WNT7A: variants seen among roughly 807,000 people sequenced by gnomAD.
WNT7A encodes the protein protein Wnt-7a.
Under a neutral mutation model 28.2 loss-of-function variants are expected in WNT7A, and 16 were observed. The ratio of observed to expected loss-of-function variants is 0.57; its 90% CI spans 0.38 to 0.86. The LOEUF is 0.86. Ranked by LOEUF, WNT7A falls within the 40% of genes least tolerant of loss-of-function variation. WNT7A has a pLI of 0.00. For synonymous variants in WNT7A, 190 were observed against 195.9 expected (o/e 0.97, Z 0.25); for missense variants, 411 against 489.7 (o/e 0.84, Z 1.52).
chr3:13,855,706 C>T (rs1335434364), intron 2 of WNT7A, among the ~76,000 whole-genome samples: 2 of 152,186 alleles, frequency 1.3e-5, no homozygotes, highest in African/African-American at 4.8e-5. Flanking sequence ...GTCTGCTTTA[C>T]AGGGTGAAGA....
At chr3:13,834,217 A>G (rs185807103) in intron 3 of WNT7A, among the ~76,000 whole-genome samples, 57 of 150,934 alleles carry the variant, frequency 3.8e-4, no homozygotes, top group African/African-American at 1.3e-3. Flanking sequence ...TAATGGCACC[A>G]TGGTTTTTTT....
intron 2 of WNT7A, among the ~76,000 whole-genome samples, chr3:13,869,715 A>G (rs1695001302): frequency 6.7e-6 from 1 of 149,290 alleles, no homozygotes; most frequent in African/African-American, 2.5e-5. Context: ...GAGAGAAAGA[A>G]AGAAAAAAAG....
chr3:13,856,917 G>A (rs865794964), intron 2 of WNT7A, among the ~76,000 whole-genome samples: 25 of 98,920 alleles, frequency 2.5e-4, no homozygotes, highest in East Asian at 1.1e-3. Flanking sequence ...AGAAGAAGAA[G>A]AAGAAGAAGA....
chr3:13,874,489 C>A (rs1559309212), intron 2 of WNT7A, among the ~76,000 whole-genome samples: 1 of 152,132 alleles, frequency 6.6e-6, no homozygotes, highest in Non-Finnish European at 1.5e-5. Flanking sequence ...GTGGTGGGGA[C>A]TGCGGCAGTG....
chr3:13,826,226 CA>C (rs1262924876), intron 3 of WNT7A, among the ~76,000 whole-genome samples: 1 of 152,188 alleles, frequency 6.6e-6, no homozygotes, highest in Non-Finnish European at 1.5e-5. Flanking sequence ...CAGTCCTTGC[CA>C]CCTCTGAGCT....
chr3:13,875,297 G>A, intron 1 of WNT7A, 124 bp from the exon 2 acceptor site: 1 of 886,080 alleles, frequency 1.1e-6, no homozygotes, highest in African/African-American at 1.6e-5. Flanking sequence ...CAACTTTTTT[G>A]ATCCTGCACC....
intron 2 of WNT7A, among the ~76,000 whole-genome samples, chr3:13,855,532 G>T (rs1277803070): frequency 1.3e-5 from 2 of 152,188 alleles, no homozygotes; most frequent in African/African-American, 4.8e-5. Flanking sequence ...TCACTGGACT[G>T]TGAGTATCTC....
chr3:13,851,524 C>G (rs935944218), intron 3 of WNT7A, among the ~76,000 whole-genome samples: 2 of 152,174 alleles, frequency 1.3e-5, no homozygotes, highest in Non-Finnish European at 2.9e-5. Context: ...CAAGAGGAAA[C>G]AAACCACTCT....
At chr3:13,847,873 T>C (rs1056571036) in intron 3 of WNT7A, among the ~76,000 whole-genome samples, 3 of 152,112 alleles carry the variant, frequency 2.0e-5, no homozygotes, top group African/African-American at 4.8e-5. Flanking sequence ...GATGGTAAAG[T>C]TCTGGAGATG....
intron 3 of WNT7A, among the ~76,000 whole-genome samples, chr3:13,827,812 T>C (rs1023978930): frequency 6.6e-6 from 1 of 152,116 alleles, no homozygotes; most frequent in African/African-American, 2.4e-5. Context: ...CTTGCTGTCA[T>C]CCCTGCCCCC....
intron 3 of WNT7A, among the ~76,000 whole-genome samples, chr3:13,847,802 G>A (rs945082456): frequency 2.2e-4 from 34 of 152,104 alleles, no homozygotes; most frequent in Non-Finnish European, 3.5e-4. Flanking sequence ...CCAGGGGCTG[G>A]GGTGGGGCGG....
chr3:13,863,292 TTGAATTGAA>T (rs1468270380), intron 2 of WNT7A, among the ~76,000 whole-genome samples: 2 of 152,188 alleles, frequency 1.3e-5, no homozygotes, highest in Non-Finnish European at 2.9e-5. Flanking sequence ...TTACTTTGTA[TTGAATTGAA>T]TGATCAGTCT....
At chr3:13,838,026 C>G (rs544276259) in intron 3 of WNT7A, among the ~76,000 whole-genome samples, 7 of 152,234 alleles carry the variant, frequency 4.6e-5, no homozygotes, top group African/African-American at 1.7e-4. Context: ...CTGAGATATT[C>G]TGTTCCTGCC....
chr3:13,850,613 C>A (rs187535144), intron 3 of WNT7A, among the ~76,000 whole-genome samples: 4 of 152,102 alleles, frequency 2.6e-5, no homozygotes, highest in Non-Finnish European at 5.9e-5. Flanking sequence ...AGCTGGGCCC[C>A]CATCCCCAGG....
intron 3 of WNT7A, among the ~76,000 whole-genome samples, chr3:13,827,928 C>T (rs1685714959): frequency 6.6e-6 from 1 of 152,148 alleles, no homozygotes; most frequent in African/African-American, 2.4e-5. Flanking sequence ...CCAGCCCAAC[C>T]CAGCCTTCTA....
chr3:13,864,166 T>C (rs771528194), intron 2 of WNT7A, among the ~76,000 whole-genome samples: 1 of 152,186 alleles, frequency 6.6e-6, no homozygotes, highest in Non-Finnish European at 1.5e-5. Flanking sequence ...TCTTTGCCGA[T>C]GATAATGCTG....
intron 3 of WNT7A, among the ~76,000 whole-genome samples, chr3:13,832,404 C>A (rs1173271290): frequency 6.6e-6 from 1 of 150,844 alleles, no homozygotes; most frequent in African/African-American, 2.4e-5. Context: ...AGGCTCCTCC[C>A]ACTCTTCCTT....
intron 3 of WNT7A, among the ~76,000 whole-genome samples, chr3:13,830,873 C>T (rs1198939287): frequency 6.6e-6 from 1 of 152,210 alleles, no homozygotes; most frequent in Non-Finnish European, 1.5e-5. Flanking sequence ...CTGACTACGC[C>T]ATCTCCCAGA....
chr3:13,817,676 A>C lies in WNT7A; in HGVS notation c.*1268T>G, dbSNP rs3796316. On this transcript the variant is annotated 3_prime_UTR_variant, in exon 4 of 4. Transcript: ENST00000285018. Reference sequence around the variant, plus strand: ...CCCCTCACCCCATCTGCTTTGGGTCACCTCACCTGAGGACTACATCTCACC... The same window carrying C: ...CCCCTCACCCCATCTGCTTTGGGTCCCCTCACCTGAGGACTACATCTCACC... 0.53 allele frequency: 80,339 copies of C among 152,090 alleles called. 23,207 individuals are homozygous for C. The highest frequency in any genetic ancestry group is 0.78 in the African/African-American group (32,328 of 41,466). The allele number at this position is 152,090 out of a possible 1,614,324, so 9.4% of individuals were successfully genotyped here. A position where few individuals can be genotyped will look rare whatever the true frequency, so the allele number is the denominator to read the frequency against.
Sources: gnomAD v4.1 joint callset for allele counts (sites outside exome capture counted in the v4.1 genomes callset) on GRCh38, gnomAD v4.1.1 for gene constraint, MANE v1.5 for transcripts, NCBI Gene and HGNC (gene_info 2026-07-23, HGNC 2026-07-21) for gene names.